The following TENM4 variants were observed in gnomAD, a reference collection of about 807,000 sequenced individuals.
TENM4 encodes teneurin-4.
TENM4 carries 82 observed loss-of-function variants against 243.3 expected under a neutral mutation model. That is an observed-to-expected ratio of 0.34 (90% confidence interval 0.28 to 0.40). The LOEUF (loss-of-function observed/expected upper bound fraction) is 0.40, where lower values mean the gene tolerates loss of function less well. Ranked by LOEUF, TENM4 falls within the 10% of genes least tolerant of loss-of-function variation. The probability of loss-of-function intolerance (pLI) is 1.00; values close to 1 mark genes in which losing one functional copy is unlikely to be tolerated. For missense variants in TENM4, 3,138 were observed against 3,673.3 expected, an observed-to-expected ratio of 0.85 and a Z score of 3.77; for synonymous variants, 1,412 against 1,456.3, an observed-to-expected ratio of 0.97 and a Z score of 0.69.
chr11:78,955,072 G>GGCCTCACATGATGGCAGTGA (rs1309756812), intron 6 of TENM4, among the ~76,000 whole-genome samples: 1 of 152,184 alleles, frequency 6.6e-6, no homozygotes, highest in Admixed American at 6.5e-5. Flanking sequence ...GATAGCAGCG[G>GGCCTCACATGATGGCAGTGA]GCCTCACATG....
chr11:79,250,152 A>AT (rs1361384959), intron 2 of TENM4, among the ~76,000 whole-genome samples: 3 of 151,924 alleles, frequency 2.0e-5, no homozygotes, highest in South Asian at 4.2e-4. Context: ...TGCCCGGCTG[A>AT]TTTTTTGTAT....
At chr11:78,900,728 G>A (rs1021526085) in intron 7 of TENM4, among the ~76,000 whole-genome samples, 1 of 152,128 alleles carries the variant, frequency 6.6e-6, no homozygotes, top group African/African-American at 2.4e-5. Context: ...GCTAGTAAGC[G>A]TTAAAGCCAA....
chr11:78,741,328 A>C (rs1590984735), intron 19 of TENM4, among the ~76,000 whole-genome samples: 2 of 152,158 alleles, frequency 1.3e-5, no homozygotes, highest in Non-Finnish European at 2.9e-5. Context: ...AAAGAAACAA[A>C]AAGAAAACCA....
At chr11:79,357,245 T>G (rs756479929) in intron 1 of TENM4, among the ~76,000 whole-genome samples, 2 of 152,212 alleles carry the variant, frequency 1.3e-5, no homozygotes, top group African/African-American at 2.4e-5. Flanking sequence ...CCCAAAGCAA[T>G]GGCATGATCT....
intron 1 of TENM4, among the ~76,000 whole-genome samples, chr11:79,396,764 C>A (rs1408966295): frequency 6.6e-6 from 1 of 152,202 alleles, no homozygotes; most frequent in Non-Finnish European, 1.5e-5. Context: ...CCCAAGACCT[C>A]TCTCCTCTCT....
At chr11:79,380,071 C>A (rs1024340352) in intron 1 of TENM4, among the ~76,000 whole-genome samples, 5 of 152,180 alleles carry the variant, frequency 3.3e-5, no homozygotes, top group Admixed American at 2.0e-4. Context: ...AGAAGCAGGA[C>A]AATTGTTCTC....
At chr11:79,159,648 T>C (rs1235616683) in intron 3 of TENM4, among the ~76,000 whole-genome samples, 3 of 152,176 alleles carry the variant, frequency 2.0e-5, no homozygotes, top group African/African-American at 4.8e-5. Flanking sequence ...GACCCAGATG[T>C]TGAGCCTCTA....
chr11:78,817,827 CGGT>C (rs943043192), intron 12 of TENM4, among the ~76,000 whole-genome samples: 17 of 152,192 alleles, frequency 1.1e-4, no homozygotes, highest in Admixed American at 1.0e-3. Flanking sequence ...CATGATCTTT[CGGT>C]ACCTGTCTTC....
At chr11:79,138,427 A>G (rs1322136734) in intron 4 of TENM4, among the ~76,000 whole-genome samples, 35 of 116,978 alleles carry the variant, frequency 3.0e-4, no homozygotes, top group Middle Eastern at 4.5e-3. Context: ...ATTATATTAT[A>G]TATAAATATA....
In TENM4 at chr11:78,700,728, G is replaced by A. The variant is rs563738057; in HGVS notation, c.5087+798C>T. Reference sequence around the variant, plus strand: ...CACTGGATGAAGAATAAAGAAATGAGCTACTTGAGGTGGGCACTAGGACTG... The same window carrying A: ...CACTGGATGAAGAATAAAGAAATGAACTACTTGAGGTGGGCACTAGGACTG... On this transcript the variant is annotated intron_variant, in intron 28 of 33. Transcript: ENST00000278550. Among the ~76,000 whole-genome samples, 8 of 152,286 alleles carry A rather than the reference G, an allele frequency of 5.3e-5. 1 individual carries two copies. Among genetic ancestry groups the A allele is most frequent in the Admixed American group, 3.9e-4 (6 of 15,296 alleles).
At chr11:79,165,827 A>T (rs1862899229) in intron 3 of TENM4, among the ~76,000 whole-genome samples, 1 of 152,146 alleles carries the variant, frequency 6.6e-6, no homozygotes, top group Non-Finnish European at 1.5e-5. Flanking sequence ...AAGGTGAGAG[A>T]TGAGGATCCA....
At chr11:79,278,063 A>G (rs2135358048) in intron 2 of TENM4, among the ~76,000 whole-genome samples, 1 of 152,340 alleles carries the variant, frequency 6.6e-6, no homozygotes. Context: ...TGGTTTCTCA[A>G]GTTCACTCAG....
At chr11:79,292,635 G>C (rs1038171631) in intron 2 of TENM4, among the ~76,000 whole-genome samples, 1 of 152,240 alleles carries the variant, frequency 6.6e-6, no homozygotes, top group Non-Finnish European at 1.5e-5. Flanking sequence ...GCTGTGGCTA[G>C]GGCACATGCA....
intron 18 of TENM4, among the ~76,000 whole-genome samples, chr11:78,767,898 G>GGCCATGT (rs1184417275): frequency 6.6e-6 from 1 of 151,892 alleles, no homozygotes; most frequent in African/African-American, 2.4e-5. Flanking sequence ...AGAAAGACTG[G>GGCCATGT]GCCATGTTCA....
chr11:79,014,933 T>TG lies in TENM4; in HGVS notation c.493+49804dup, dbSNP rs1263878751. Among the ~76,000 whole-genome samples, 14 of 152,328 alleles carry TG rather than the reference T, an allele frequency of 9.2e-5. No individual in the cohort carries two copies. The East Asian group carries it at 2.7e-3, about 29-fold the overall frequency. On this transcript the variant is annotated intron_variant, in intron 6 of 33. Transcript: ENST00000278550. The stretch of plus-strand genomic sequence containing the variant: ...GCCTCTGCCCCTGCACTAACTTCAT[T>TG]GTTTCACTCTACACAGTTGTAAAGT...
intron 22 of TENM4, among the ~76,000 whole-genome samples, chr11:78,728,141 T>C (rs1395426383): frequency 6.6e-6 from 1 of 152,176 alleles, no homozygotes; most frequent in African/African-American, 2.4e-5. Flanking sequence ...ACGACAGAAG[T>C]GGCTTGATCT....
At chr11:79,036,762 A>G (rs978349793) in intron 6 of TENM4, among the ~76,000 whole-genome samples, 1 of 152,296 alleles carries the variant, frequency 6.6e-6, no homozygotes, top group Non-Finnish European at 1.5e-5. Context: ...CTGTAGTCCC[A>G]GCACTTTGGG....
At chr11:79,045,237 C>T (rs1859628831) in intron 6 of TENM4, among the ~76,000 whole-genome samples, 1 of 152,168 alleles carries the variant, frequency 6.6e-6, no homozygotes, top group African/African-American at 2.4e-5. Context: ...CTGCGTGCTC[C>T]TCTCTGTGGG....
chr11:78,738,241 A>AAG (rs1416277723), intron 20 of TENM4, among the ~76,000 whole-genome samples: 2 of 152,218 alleles, frequency 1.3e-5, no homozygotes, highest in Non-Finnish European at 2.9e-5. Flanking sequence ...ACCAAATGAG[A>AAG]AGAAACTGCT....
Sources: allele counts gnomAD v4.1 joint callset (sites outside exome capture counted in the v4.1 genomes callset), GRCh38; gene constraint gnomAD v4.1.1; transcripts MANE v1.5; gene names NCBI Gene and HGNC (gene_info 2026-07-23, HGNC 2026-07-21).